Variants in RAI14 observed in about 807,000 individuals in gnomAD.
The protein encoded by RAI14 is retinoic acid induced 14.
A neutral mutation model predicts 115.4 loss-of-function variants in RAI14; 45 were observed. That is an observed-to-expected ratio of 0.39 (90% CI 0.31 to 0.50). The LOEUF is 0.50. Ranked by LOEUF, RAI14 falls within the 20% of genes least tolerant of loss-of-function variation. The pLI is 0.85. For synonymous variants in RAI14, 371 were observed against 415.4 expected, an observed-to-expected ratio of 0.89 and a Z score of 1.30; for missense variants, 939 against 1,131.2, an observed-to-expected ratio of 0.83 and a Z score of 2.44.
At chr5:34,676,562 G>A (rs1053269304) in intron 1 of RAI14, among the ~76,000 whole-genome samples, 1 of 152,178 alleles carries the variant, frequency 6.6e-6, no homozygotes, top group Admixed American at 6.5e-5. Context: ...ATTGGAGCAT[G>A]TGAGTCGTGG....
At chr5:34,801,025 G>T (rs558958322) in intron 4 of RAI14, among the ~76,000 whole-genome samples, 3 of 152,298 alleles carry the variant, frequency 2.0e-5, no homozygotes, top group African/African-American at 7.2e-5. Flanking sequence ...CTCCACCAAA[G>T]CCTATTTAAT....
intron 1 of RAI14, among the ~76,000 whole-genome samples, chr5:34,668,916 G>C (rs1012996596): frequency 3.3e-5 from 5 of 152,064 alleles, no homozygotes; most frequent in Non-Finnish European, 5.9e-5. Flanking sequence ...GAGTGCAATG[G>C]CATCATCTCG....
chr5:34,674,106 G>A (rs191856259), intron 1 of RAI14, among the ~76,000 whole-genome samples: 1 of 151,948 alleles, frequency 6.6e-6, no homozygotes, highest in Admixed American at 6.5e-5. Context: ...CTGTTGGACT[G>A]CAGACAAAAA....
chr5:34,738,206 T>C (rs945760461), intron 2 of RAI14, among the ~76,000 whole-genome samples: 1 of 152,108 alleles, frequency 6.6e-6, no homozygotes, highest in African/African-American at 2.4e-5. Context: ...GGTGGATTGC[T>C]TGAGCTCAGG....
intron 5 of RAI14, among the ~76,000 whole-genome samples, chr5:34,807,258 C>A (rs944221418): frequency 2.0e-5 from 3 of 152,032 alleles, no homozygotes; most frequent in African/African-American, 7.3e-5. Context: ...ATAAGATGAG[C>A]CAAGCAGGGC....
chr5:34,803,566 AAAAAC>A (rs1754527310), intron 4 of RAI14, 141 bp from the exon 5 acceptor site: 3 of 675,936 alleles, frequency 4.4e-6, no homozygotes, highest in Admixed American at 3.5e-5. Flanking sequence ...CAAAAAACAA[AAAAAC>A]AAACAAACAA....
At chr5:34,750,008 A>G (rs1168528767) in intron 2 of RAI14, among the ~76,000 whole-genome samples, 2 of 152,246 alleles carry the variant, frequency 1.3e-5, no homozygotes, top group African/African-American at 4.8e-5. Flanking sequence ...TATCAGTCCT[A>G]AATTGTAAAT....
chr5:34,734,477 G>A (rs1744608752), intron 2 of RAI14, among the ~76,000 whole-genome samples: 1 of 152,132 alleles, frequency 6.6e-6, no homozygotes, highest in Non-Finnish European at 1.5e-5. Context: ...TGGTGCAATA[G>A]AAGACATACC....
intron 13 of RAI14, among the ~76,000 whole-genome samples, chr5:34,821,320 ATAAAGTCT>A (rs1580364787): frequency 6.6e-6 from 1 of 152,320 alleles, no homozygotes; most frequent in East Asian, 1.9e-4. Context: ...AAGTAAGGTG[ATAAAGTCT>A]TAACTACAGT....
chr5:34,706,653 G>T (rs915868132), intron 2 of RAI14, among the ~76,000 whole-genome samples: 1 of 152,114 alleles, frequency 6.6e-6, no homozygotes, highest in South Asian at 2.1e-4. Context: ...GAGATTGCAG[G>T]CTTTTTATTC....
chr5:34,706,011 TG>T (rs1418194197), intron 2 of RAI14, among the ~76,000 whole-genome samples: 1 of 152,242 alleles, frequency 6.6e-6, no homozygotes, highest in Non-Finnish European at 1.5e-5. Flanking sequence ...CCTCTGAAGC[TG>T]CTGATTTAAC....
intron 2 of RAI14, among the ~76,000 whole-genome samples, chr5:34,709,372 T>C (rs6884887): frequency 0.33 from 50,606 of 152,006 alleles, 10,326 homozygotes; most frequent in African/African-American, 0.59. Context: ...CGCTTGAACC[T>C]GGACGACGGA....
chr5:34,798,167 C>G (rs1753760426), intron 4 of RAI14, among the ~76,000 whole-genome samples: 1 of 152,098 alleles, frequency 6.6e-6, no homozygotes, highest in Non-Finnish European at 1.5e-5. Flanking sequence ...TCCTGAGTAA[C>G]TCAGATTACA....
rs1742255277 is a variant in RAI14, at chr5:34,656,346, G to A, written c.-178G>A. The A allele has an allele frequency of 6.6e-6, 1 of 152,030 alleles. No individual in the cohort carries two copies. Among genetic ancestry groups the A allele is most frequent in the South Asian group, 2.1e-4 (1 of 4,836 alleles). 9.4% of individuals were successfully genotyped at this position (152,030 alleles called of 1,614,324 possible). A position where few individuals can be genotyped will look rare whatever the true frequency, so the allele number is the denominator to read the frequency against. ...GGCGCCCACTGACCCCCGCAGCGGG[G>A]GAGGAGGAGGGACTGCGGCGCAGGA... is the stretch of plus-strand genomic sequence containing the variant. On this transcript the variant is annotated 5_prime_UTR_variant, in exon 1 of 18. Coordinates refer to ENST00000265109, the MANE Select transcript of RAI14 (RefSeq NM_015577.3).
intron 2 of RAI14, among the ~76,000 whole-genome samples, chr5:34,748,885 GTGAA>G (rs1746650345): frequency 6.6e-6 from 1 of 151,856 alleles, no homozygotes; most frequent in Non-Finnish European, 1.5e-5. Flanking sequence ...TGTTGAATAA[GTGAA>G]TGAATGATAG....
Position 34,821,766 on chromosome 5 carries a change from T to A in RAI14, c.1029T>A (p.Ala343=). ...ADSLLDISSE[A]DQQDLLSLLQ... is the part of the protein sequence containing the mutation. ...GCTTATTGGATATAAGTTCTGAAGC[T>A]GACCAACAAGATCTTCTCTCTCTAT... Residue 343 remains alanine (A), a synonymous_variant, in exon 14 of 18, where the codon GCT becomes GCA. Coordinates refer to ENST00000265109, the MANE Select transcript of RAI14 (RefSeq NM_015577.3). The A allele has an allele frequency of 6.2e-7, 1 of 1,612,342 alleles. No individual in the cohort carries two copies. The highest frequency in any genetic ancestry group is 8.5e-7 in the Non-Finnish European group (1 of 1,178,752).
chr5:34,803,857 AC>A, intron 5 of RAI14, 81 bp downstream of exon 5: 4 of 1,244,964 alleles, frequency 3.2e-6, no homozygotes, highest in Non-Finnish European at 4.6e-6. Context: ...GAACAAACAC[AC>A]CCTCCATACA....
intron 3 of RAI14, among the ~76,000 whole-genome samples, chr5:34,783,327 A>C (rs1751895149): frequency 6.6e-6 from 1 of 152,170 alleles, no homozygotes; most frequent in Non-Finnish European, 1.5e-5. Context: ...CCTCAGCGTC[A>C]GTCTTGACAT....
chr5:34,760,573 G>A (rs1450751691), intron 3 of RAI14, among the ~76,000 whole-genome samples: 3 of 152,160 alleles, frequency 2.0e-5, no homozygotes, highest in Non-Finnish European at 4.4e-5. Flanking sequence ...AGAGAAAGGG[G>A]AGAGAAAGGT....
Sources: gnomAD v4.1 joint callset for allele counts (sites outside exome capture counted in the v4.1 genomes callset) on GRCh38, gnomAD v4.1.1 for gene constraint, MANE v1.5 for transcripts, NCBI Gene and HGNC (gene_info 2026-07-23, HGNC 2026-07-21) for gene names.